Variants in SHANK2 observed in about 807,000 individuals in gnomAD.
SHANK2 encodes the protein SH3 and multiple ankyrin repeat domains protein 2.
In SHANK2, 43 loss-of-function variants were observed where a neutral mutation model predicts 133.7. The ratio of observed to expected loss-of-function variants is 0.32; its 90% confidence interval spans 0.25 to 0.41. The LOEUF (loss-of-function observed/expected upper bound fraction) is 0.41. SHANK2 is among the 10% of genes least tolerant of loss of function. The probability of loss-of-function intolerance (pLI) is 1.00; values close to 1 mark genes in which losing one functional copy is unlikely to be tolerated. For missense variants in SHANK2, 1,994 were observed against 2,235.8 expected (o/e 0.89, Z 2.18); for synonymous variants, 1,017 against 952.8 (o/e 1.07, Z -1.24).
At chr11:70,924,505 G>T (rs1464474017) in intron 10 of SHANK2, among the ~76,000 whole-genome samples, 1 of 152,038 alleles carries the variant, frequency 6.6e-6, no homozygotes, top group East Asian at 1.9e-4. Context: ...CACCCTGGTT[G>T]GAGTGCAGTG....
chr11:70,539,051 C>T (rs1346348792), intron 17 of SHANK2, among the ~76,000 whole-genome samples: 1 of 152,236 alleles, frequency 6.6e-6, no homozygotes, highest in East Asian at 1.9e-4. Flanking sequence ...TACGGGTTTA[C>T]TTTTACCTTA....
chr11:70,780,718 G>A lies in SHANK2; in HGVS notation c.1777+17725C>T, dbSNP rs1947464329. On this transcript the variant is annotated intron_variant, in intron 14 of 25. Coordinates refer to ENST00000601538, the MANE Select transcript of SHANK2 (RefSeq NM_012309.5). ...CTCCCGAGTAGCTGGGATTACAGAC[G>A]CCTGCCACCATATCTGGCTAATTTT... is the stretch of plus-strand genomic sequence containing the variant. Among the ~76,000 whole-genome samples, 3 of 151,726 alleles carry A rather than the reference G, an allele frequency of 2.0e-5. 1 individual carries two copies. The highest frequency in any genetic ancestry group is 4.2e-4 in the South Asian group (2 of 4,790).
chr11:70,645,592 C>T (rs186539105), intron 17 of SHANK2, among the ~76,000 whole-genome samples: 279 of 152,266 alleles, frequency 1.8e-3, no homozygotes, highest in African/African-American at 4.1e-3. Context: ...CGGGTGCTGC[C>T]GAGGTTCAGC....
chr11:70,774,197 G>A (rs1270518622), intron 14 of SHANK2, among the ~76,000 whole-genome samples: 1 of 152,164 alleles, frequency 6.6e-6, no homozygotes, highest in Non-Finnish European at 1.5e-5. Flanking sequence ...ACTAAAAGAA[G>A]CTGGTCATAA....
chr11:71,118,260 G>A (rs782733281), intron 4 of SHANK2, among the ~76,000 whole-genome samples: 8 of 152,192 alleles, frequency 5.3e-5, no homozygotes, highest in Non-Finnish European at 8.8e-5. Context: ...TTGTACAACA[G>A]TGTGAGATTC....
At chr11:70,784,482 G>T (rs782622355) in intron 14 of SHANK2, among the ~76,000 whole-genome samples, 1 of 149,172 alleles carries the variant, frequency 6.7e-6, no homozygotes, top group African/African-American at 2.5e-5. Context: ...TCAGCCTCTC[G>T]AGTAGCTAGG....
intron 15 of SHANK2, chr11:70,668,614 C>T (rs1944727358): frequency 6.6e-6 from 1 of 152,366 alleles, no homozygotes. Flanking sequence ...GGAAGATAAA[C>T]ATCAATCCAC....
intron 14 of SHANK2, among the ~76,000 whole-genome samples, chr11:70,755,198 A>G (rs1183366763): frequency 1.3e-5 from 2 of 152,008 alleles, no homozygotes; most frequent in Admixed American, 6.5e-5. Context: ...TGGCCTCCCA[A>G]GTAACTGGGA....
At chr11:70,842,348 A>G (rs1021219705) in intron 11 of SHANK2, among the ~76,000 whole-genome samples, 2 of 152,178 alleles carry the variant, frequency 1.3e-5, no homozygotes, top group Non-Finnish European at 2.9e-5. Flanking sequence ...ACCTTTCTGC[A>G]GCACCATGGT....
At chr11:70,861,347 T>C (rs1949255513) in intron 11 of SHANK2, among the ~76,000 whole-genome samples, 1 of 152,210 alleles carries the variant, frequency 6.6e-6, no homozygotes, top group South Asian at 2.1e-4. Context: ...AGGTCTGTAA[T>C]GGCTCTGATG....
intron 10 of SHANK2, among the ~76,000 whole-genome samples, chr11:70,907,216 T>C (rs1950117969): frequency 1.3e-5 from 2 of 152,190 alleles, no homozygotes; most frequent in Non-Finnish European, 2.9e-5. Flanking sequence ...CCCTGAGCAT[T>C]TGAGTAAGAC....
At chr11:70,787,606 C>T (rs2135156899) in intron 14 of SHANK2, among the ~76,000 whole-genome samples, 1 of 152,142 alleles carries the variant, frequency 6.6e-6, no homozygotes, top group East Asian at 1.9e-4. Flanking sequence ...TCGCCATGAG[C>T]ACCACCACCA....
chr11:70,596,312 G>A (rs2060399584), intron 17 of SHANK2, among the ~76,000 whole-genome samples: 3 of 151,552 alleles, frequency 2.0e-5, no homozygotes, highest in South Asian at 4.1e-4. Context: ...CAGACCTGGC[G>A]CCTGGGAACC....
intron 2 of SHANK2, among the ~76,000 whole-genome samples, chr11:71,169,754 C>CA (rs35339054): frequency 0.42 from 37,935 of 89,966 alleles, 6,462 homozygotes; most frequent in East Asian, 0.67. Flanking sequence ...GACTCCATCT[C>CA]AAAAAAAAAA....
chr11:71,062,980 C>T (rs1359606221), intron 9 of SHANK2, among the ~76,000 whole-genome samples: 1,377 of 104,358 alleles, frequency 0.013, 31 homozygotes, highest in African/African-American at 0.049. Flanking sequence ...CTGGGTGACA[C>T]AGCAAGACCC....
chr11:70,734,444 A>C (rs905686795), intron 14 of SHANK2, among the ~76,000 whole-genome samples: 1 of 152,168 alleles, frequency 6.6e-6, no homozygotes, highest in Non-Finnish European at 1.5e-5. Context: ...CACGCTCCAC[A>C]CTGACAGCTC....
chr11:70,681,708 T>C (rs1945033023), intron 15 of SHANK2, among the ~76,000 whole-genome samples: 1 of 151,880 alleles, frequency 6.6e-6, no homozygotes, highest in East Asian at 1.9e-4. Flanking sequence ...GCCCATGCCT[T>C]TTGGTTTGGG....
chr11:71,150,964 C>T (rs1311465451), intron 2 of SHANK2, among the ~76,000 whole-genome samples: 2 of 152,116 alleles, frequency 1.3e-5, no homozygotes, highest in Non-Finnish European at 2.9e-5. Flanking sequence ...CTAGAAAAAT[C>T]ACAGGCTCCC....
chr11:70,575,348 C>T (rs554275225), intron 17 of SHANK2, among the ~76,000 whole-genome samples: 2 of 152,166 alleles, frequency 1.3e-5, no homozygotes, highest in South Asian at 4.2e-4. Context: ...CCCATCTCTA[C>T]TAAAAATACA....
Sources: gnomAD v4.1 joint callset for allele counts (sites outside exome capture counted in the v4.1 genomes callset) on GRCh38, gnomAD v4.1.1 for gene constraint, MANE v1.5 for transcripts, NCBI Gene and HGNC (gene_info 2026-07-23, HGNC 2026-07-21) for gene names.